The following SLC61A1 variants were observed in gnomAD, a reference collection of about 807,000 sequenced individuals.
The protein encoded by SLC61A1 is major facilitator superfamily domain containing 5.
chr12:53,253,353 G>A, the SLC61A1 span: 54 of 1,614,126 alleles, frequency 3.3e-5, no homozygotes, highest in East Asian at 4.5e-5. Flanking sequence ...ACCTTTGCTC[G>A]AGCTGCCTTC....
chr12:53,252,589 G>C, the SLC61A1 span: 3 of 1,294,788 alleles, frequency 2.3e-6, no homozygotes, highest in Non-Finnish European at 3.1e-6. Flanking sequence ...GATGGGTTGA[G>C]TGCCCAGTCC....
chr12:53,252,141 C>T, the SLC61A1 span: 4 of 1,438,324 alleles, frequency 2.8e-6, no homozygotes, highest in South Asian at 4.4e-5. Flanking sequence ...GCCCGGCTCC[C>T]GGAAGCAGGC....
the SLC61A1 span, chr12:53,252,588 A>T: frequency 7.7e-6 from 10 of 1,291,428 alleles, no homozygotes; most frequent in South Asian, 1.1e-4. Context: ...GGATGGGTTG[A>T]GTGCCCAGTC....
chr12:53,254,175 C>A, the SLC61A1 span: 4 of 1,613,550 alleles, frequency 2.5e-6, no homozygotes, highest in Non-Finnish European at 3.4e-6. Flanking sequence ...GAGCCCTATG[C>A]CCCTGAGCTG....
the SLC61A1 span, chr12:53,252,545 G>T: frequency 2.2e-6 from 3 of 1,380,212 alleles, no homozygotes; most frequent in African/African-American, 4.4e-5. Flanking sequence ...GCGGGAGCGG[G>T]ATTATTGAAA....
chr12:53,252,549 A>T, the SLC61A1 span: 29 of 1,372,816 alleles, frequency 2.1e-5, no homozygotes, highest in Non-Finnish European at 2.7e-5. Context: ...GAGCGGGATT[A>T]TTGAAAGGGA....
At chr12:53,253,708 C>G in the SLC61A1 span, 20 of 1,613,942 alleles carry the variant, frequency 1.2e-5, no homozygotes, top group Non-Finnish European at 1.7e-5. Flanking sequence ...TCATGGCAGC[C>G]AGCCTGCTTG....
the SLC61A1 span, chr12:53,254,128 G>T: frequency 1.2e-6 from 2 of 1,614,180 alleles, no homozygotes; most frequent in Admixed American, 1.7e-5. Flanking sequence ...CCGTGGTAAG[G>T]CATGATGCTG....
chr12:53,252,251 C>T, the SLC61A1 span: 1 of 1,403,240 alleles, frequency 7.1e-7, no homozygotes, highest in Non-Finnish European at 9.2e-7. Flanking sequence ...GGGGCGTCCC[C>T]GCAGACCGGG....
At chr12:53,254,406 A>T in the SLC61A1 span, 4 of 562,896 alleles carry the variant, frequency 7.1e-6, no homozygotes, top group Non-Finnish European at 1.3e-5. Flanking sequence ...TTAAATGATC[A>T]TTGATTTGAT....
the SLC61A1 span, chr12:53,253,512 A>G: frequency 3.1e-6 from 5 of 1,614,034 alleles, no homozygotes; most frequent in South Asian, 1.1e-5. Flanking sequence ...GGGGAGAACT[A>G]TGACCGGCAG....
the SLC61A1 span, chr12:53,252,175 G>A: frequency 7.0e-7 from 1 of 1,424,368 alleles, no homozygotes; most frequent in Non-Finnish European, 9.1e-7. Context: ...AGCGCTGCTG[G>A]AACCCGAGCC....
the SLC61A1 span, chr12:53,252,896 C>T: frequency 6.2e-7 from 1 of 1,614,200 alleles, no homozygotes; most frequent in Non-Finnish European, 8.5e-7. Context: ...GGGGCTGGAA[C>T]TGTCAAGATG....
chr12:53,253,741 C>T, the SLC61A1 span: 1 of 1,614,118 alleles, frequency 6.2e-7, no homozygotes, highest in Middle Eastern at 1.6e-4. Flanking sequence ...ACCGTATCGC[C>T]ACCTCCAAGA....
chr12:53,252,391 A>G, the SLC61A1 span: 1 of 1,304,662 alleles, frequency 7.7e-7, no homozygotes, highest in Non-Finnish European at 9.7e-7. Context: ...ATGACCCTGA[A>G]GCAACTCGAG....
At chr12:53,252,262 G>C in the SLC61A1 span, 1 of 1,401,702 alleles carries the variant, frequency 7.1e-7, no homozygotes, top group Non-Finnish European at 9.2e-7. Flanking sequence ...GCAGACCGGG[G>C]CAGCAGGTGA....
the SLC61A1 span, chr12:53,253,838 C>T: frequency 6.2e-7 from 1 of 1,614,216 alleles, no homozygotes; most frequent in Non-Finnish European, 8.5e-7. Context: ...CTCTACCAGC[C>T]CAGGCCAGGA....
At chr12:53,254,080 C>T in the SLC61A1 span, 143 of 1,614,058 alleles carry the variant, frequency 8.9e-5, no homozygotes, top group Non-Finnish European at 1.2e-4. Context: ...GCTCTGCTGT[C>T]ATGGTGATGG....
chr12:53,253,520 C>T, the SLC61A1 span: 1 of 1,614,184 alleles, frequency 6.2e-7, no homozygotes, highest in Non-Finnish European at 8.5e-7. Flanking sequence ...CTATGACCGG[C>T]AGCGTGCCTT....
Sources: gnomAD v4.1 joint callset for allele counts on GRCh38, gnomAD v4.1.1 for gene constraint, MANE v1.5 for transcripts, NCBI Gene and HGNC (gene_info 2026-07-23, HGNC 2026-07-21) for gene names.